FSD2: variants seen among roughly 807,000 people sequenced by gnomAD.
FSD2 encodes the protein fibronectin type III and SPRY domain containing 2.
A neutral mutation model predicts 80.4 loss-of-function variants in FSD2; 71 were observed. That is an observed-to-expected ratio of 0.88 (90% confidence interval 0.73 to 1.08). The LOEUF (loss-of-function observed/expected upper bound fraction) is 1.08. Among genes scored for constraint, FSD2 ranks in the 50% least tolerant of loss-of-function variants. FSD2 has a pLI of 0.00. For missense variants in FSD2, 923 were observed against 913.8 expected (o/e 1.01, Z -0.13); for synonymous variants, 361 against 329.5 (o/e 1.10, Z -1.03).
At chr15:82,800,728 C>G (rs905842878) in intron 1 of FSD2, among the ~76,000 whole-genome samples, 9 of 144,580 alleles carry the variant, frequency 6.2e-5, no homozygotes, top group African/African-American at 2.3e-4. Flanking sequence ...CTCAGTCAGG[C>G]TCTTGCTTAT....
Position 82,787,324 on chromosome 15 carries a change from G to A in FSD2, c.67C>T (p.His23Tyr). The A allele has an allele frequency of 6.2e-7, 1 of 1,613,724 alleles. No homozygotes were observed. The highest frequency in any genetic ancestry group is 8.5e-7 in the Non-Finnish European group (1 of 1,179,822). The change falls in exon 2 of 13, where the codon CAC becomes TAC. Residue 23 changes from histidine (H) to tyrosine (Y), a missense_variant. Coordinates refer to ENST00000334574, the MANE Select transcript of FSD2 (RefSeq NM_001007122.4). ...TCTTCAGAGTCATACAGGTCCATGTGGTAAAAGTGGAAATCCTTGGGAGTA... is the reference window on the plus strand; with the variant it reads ...TCTTCAGAGTCATACAGGTCCATGTAGTAAAAGTGGAAATCCTTGGGAGTA... ...RSTPKDFHFY[H>Y]MDLYDSEDRL...
chr15:82,783,958 G>C (rs2151516139), intron 3 of FSD2, among the ~76,000 whole-genome samples: 1 of 152,314 alleles, frequency 6.6e-6, no homozygotes, highest in Admixed American at 6.5e-5. Context: ...TATTAATAGA[G>C]TATATATTGC....
rs557596933 is a variant in FSD2, at chr15:82,766,876, G to T, written c.1554-845C>A. The stretch of plus-strand genomic sequence containing the variant: ...CAATGTATTTAAATTGTACTATACA[G>T]AAATATAAGCTCATAATTGCCACTG... On this transcript the variant is annotated intron_variant, in intron 9 of 12. Transcript: ENST00000334574. 9.2e-5 allele frequency among the ~76,000 whole-genome samples: 14 copies of T among 152,180 alleles called. 1 individual carries two copies. In the South Asian group the frequency reaches 2.9e-3, roughly 32 times the overall value.
chr15:82,785,351 G>A (rs2049970900), intron 3 of FSD2, among the ~76,000 whole-genome samples: 1 of 150,646 alleles, frequency 6.6e-6, no homozygotes, highest in South Asian at 2.1e-4. Context: ...TTGAGATGGA[G>A]TCTCGCTGTG....
rs141943507 is a variant in FSD2, at chr15:82,760,739, G to GCACACACACACA, written c.1998-1151_1998-1140dup. ...CGTGTGTGCACGTGTGTGCGTGCAC[G>GCACACACACACA]CACACACACACACACACACACCCTA... On this transcript the variant is annotated intron_variant, in intron 12 of 12. Coordinates refer to ENST00000334574, the MANE Select transcript of FSD2 (RefSeq NM_001007122.4). Among the ~76,000 whole-genome samples the GCACACACACACA allele has an allele frequency of 4.0e-5, 6 of 150,228 alleles. No homozygotes were observed. The South Asian group carries it at 1.3e-3, about 32-fold the overall frequency.
chr15:82,786,671 G>A (rs62011702), intron 2 of FSD2, 65 bp from the exon 3 acceptor site: 215,583 of 1,604,432 alleles, frequency 0.13, 15,816 homozygotes, highest in Middle Eastern at 0.15. Context: ...TGTAGAAGGC[G>A]TTTTAGATTT....
intron 11 of FSD2, among the ~76,000 whole-genome samples, chr15:82,763,714 A>C (rs1014398178): frequency 1.3e-5 from 2 of 151,898 alleles, no homozygotes; most frequent in Non-Finnish European, 2.9e-5. Context: ...CTCCCTCCCC[A>C]GCTCACGTTC....
intron 1 of FSD2, among the ~76,000 whole-genome samples, chr15:82,794,942 T>C (rs2050229295): frequency 6.6e-6 from 1 of 152,188 alleles, no homozygotes; most frequent in African/African-American, 2.4e-5. Context: ...GCCATGATGG[T>C]CTCGATCTCC....
Position 82,759,277 on chromosome 15 carries a change from C to G in FSD2, c.*71G>C. On this transcript the variant is annotated 3_prime_UTR_variant, in exon 13 of 13. Coordinates refer to ENST00000334574, the MANE Select transcript of FSD2 (RefSeq NM_001007122.4). ...GCACATGGTGCTTAAGTGCCAGGTT[C>G]AGCCAGCTAAGGCGTGAGCAGCTGC... 1 of 1,528,686 alleles carries G rather than the reference C, an allele frequency of 6.5e-7. No homozygotes were observed. The highest frequency in any genetic ancestry group is 8.8e-7 in the Non-Finnish European group (1 of 1,133,164). 94.7% of individuals were successfully genotyped at this position (1,528,686 alleles called of 1,614,324 possible).
chr15:82,778,718 G>A, intron 6 of FSD2, 48 bp downstream of exon 6: 1 of 1,539,948 alleles, frequency 6.5e-7, no homozygotes, highest in South Asian at 1.2e-5. Flanking sequence ...AAAGAAAAAA[G>A]CTCTGGGTAG....
At chr15:82,776,140 G>A (rs972056925) in intron 6 of FSD2, among the ~76,000 whole-genome samples, 3 of 152,022 alleles carry the variant, frequency 2.0e-5, no homozygotes, top group Admixed American at 6.6e-5. Context: ...TGAACAAATT[G>A]TCTGGGTATG....
chr15:82,766,695 T>C (rs2049430529), intron 9 of FSD2, among the ~76,000 whole-genome samples: 1 of 145,402 alleles, frequency 6.9e-6, no homozygotes, highest in Admixed American at 7.0e-5. Context: ...TGAACCGAGA[T>C]CATCACGCCA....
rs1387359398 is a variant in FSD2 at position 82,759,335 on chromosome 15, A to C, written c.*13T>G. Reference sequence around the variant, plus strand: ...GTAGGCATGGAAGACAGGAAACTGGACATCAGAATGTTCTAATAGAAAGTG... The same window carrying C: ...GTAGGCATGGAAGACAGGAAACTGGCCATCAGAATGTTCTAATAGAAAGTG... On this transcript the variant is annotated 3_prime_UTR_variant, in exon 13 of 13. Coordinates refer to ENST00000334574, the MANE Select transcript of FSD2 (RefSeq NM_001007122.4). The C allele has an allele frequency of 6.2e-7, 1 of 1,610,712 alleles. No individual in the cohort carries two copies. Among genetic ancestry groups the C allele is most frequent in the East Asian group, 2.2e-5 (1 of 44,874 alleles).
intron 1 of FSD2, among the ~76,000 whole-genome samples, chr15:82,794,935 A>G (rs2050229044): frequency 6.6e-6 from 1 of 152,120 alleles, no homozygotes; most frequent in South Asian, 2.1e-4. Context: ...CATGTTAGCC[A>G]TGATGGTCTC....
rs149986626 is a variant in FSD2 at position 82,798,873 on chromosome 15, G to GTTTTT, written c.-79+7092_-79+7093insAAAAA. Among the ~76,000 whole-genome samples, 302 of 111,414 alleles carry GTTTTT rather than the reference G, an allele frequency of 2.7e-3. 19 individuals carry two copies. The highest frequency in any genetic ancestry group is 3.0e-3 in the African/African-American group (83 of 27,312). The allele number at this position is 111,414 out of a possible 152,430, so 73.1% of individuals were successfully genotyped here. On this transcript the variant is annotated intron_variant, in intron 1 of 12. Coordinates refer to ENST00000334574, the MANE Select transcript of FSD2 (RefSeq NM_001007122.4). ...AAGTTTTCTTTCCACTATCTCCACT[G>GTTTTT]TTTTGTTTTTTTTTTTTTTTTTGAG...
rs2049784451 is a variant in FSD2 at position 82,778,851 on chromosome 15, T to A, written c.1026A>T (p.Glu342Asp). Residue 342 changes from glutamate to aspartate, a missense_variant, in exon 6 of 13, where the codon GAA becomes GAT. Transcript: ENST00000334574. ...CTTCAAACTCAGGCTGTGCAGAGAT[T>A]TCCACGTCTGTTTTTGTTTTCAGGA... Reference protein sequence around the residue: ...GKFLKTKTDVEISAQPEFEDQ... With the variant: ...GKFLKTKTDVDISAQPEFEDQ... 6.2e-7 allele frequency: 1 copy of A among 1,613,934 alleles called. No homozygotes were observed. The highest frequency in any genetic ancestry group is 8.5e-7 in the Non-Finnish European group (1 of 1,179,870).
chr15:82,765,395 A>T, intron 10 of FSD2, 97 bp from the exon 11 acceptor site: 1 of 1,519,764 alleles, frequency 6.6e-7, no homozygotes, highest in South Asian at 1.2e-5. Context: ...GGATACACCT[A>T]AGCCTGGACC....
intron 4 of FSD2, 53 bp downstream of exon 4, chr15:82,782,736 CGTTTAT>C (rs1567311188): frequency 7.1e-7 from 1 of 1,412,486 alleles, no homozygotes; most frequent in African/African-American, 1.4e-5. Flanking sequence ...CTGTCGTTTC[CGTTTAT>C]AATTCCATCT....
intron 12 of FSD2, among the ~76,000 whole-genome samples, chr15:82,761,607 G>A (rs2049296971): frequency 1.3e-5 from 2 of 151,524 alleles, no homozygotes; most frequent in African/African-American, 2.4e-5. Context: ...AATCCATGTC[G>A]TTTGGATTAT....
Sources: allele counts gnomAD v4.1 joint callset (sites outside exome capture counted in the v4.1 genomes callset), GRCh38; gene constraint gnomAD v4.1.1; transcripts MANE v1.5; gene names NCBI Gene and HGNC (gene_info 2026-07-23, HGNC 2026-07-21).